DNAJC7: variants seen among roughly 807,000 people sequenced by gnomAD.
DNAJC7 encodes the protein DnaJ heat shock protein family (Hsp40) member C7, also known as dnaJ homolog subfamily C member 7.
A neutral mutation model predicts 67.4 loss-of-function variants in DNAJC7; 18 were observed. That is an observed-to-expected ratio of 0.27 (90% confidence interval 0.18 to 0.40). The LOEUF is 0.40. Ranked by LOEUF, DNAJC7 falls within the 10% of genes least tolerant of loss-of-function variation. DNAJC7 has a pLI of 1.00. For missense variants in DNAJC7, 419 were observed against 613.8 expected, an observed-to-expected ratio of 0.68 and a Z score of 3.35; for synonymous variants, 220 against 207.8, an observed-to-expected ratio of 1.06 and a Z score of -0.50.
chr17:41,989,925 AAC>A (rs1168667697), intron 6 of DNAJC7, among the ~76,000 whole-genome samples: 1 of 152,256 alleles, frequency 6.6e-6, no homozygotes, highest in African/African-American at 2.4e-5. Context: ...AGTTAGTTGC[AAC>A]AGAGACCCTG....
At chr17:41,997,085 C>T in intron 3 of DNAJC7, 30 bp downstream of exon 3, 1 of 1,613,546 alleles carries the variant, frequency 6.2e-7, no homozygotes, top group South Asian at 1.1e-5. Flanking sequence ...GCAACCCAGC[C>T]TTCCCCAAAC....
chr17:41,991,901 G>A (rs748193885), intron 5 of DNAJC7, among the ~76,000 whole-genome samples: 4 of 152,162 alleles, frequency 2.6e-5, no homozygotes, highest in African/African-American at 7.2e-5. Flanking sequence ...GGTTGGTCTC[G>A]AACTCCTCGC....
chr17:41,980,717 T>G (rs1555645854), intron 12 of DNAJC7, among the ~76,000 whole-genome samples: 1 of 152,174 alleles, frequency 6.6e-6, no homozygotes, highest in Non-Finnish European at 1.5e-5. Context: ...GGGCCTCTTA[T>G]CTCTGACAGC....
intron 12 of DNAJC7, among the ~76,000 whole-genome samples, chr17:41,981,199 A>C (rs149487589): frequency 1.6e-3 from 245 of 151,378 alleles, no homozygotes; most frequent in African/African-American, 4.9e-3. Flanking sequence ...CTTTCTTCTT[A>C]TTATTTTTTT....
chr17:41,978,736 CG>C (rs1462048951), intron 12 of DNAJC7, among the ~76,000 whole-genome samples: 2 of 152,028 alleles, frequency 1.3e-5, no homozygotes, highest in African/African-American at 2.4e-5. Context: ...TAAAATTAGC[CG>C]GGCGTGGTGG....
chr17:41,999,628 C>G (rs1182906455), intron 2 of DNAJC7, among the ~76,000 whole-genome samples: 1 of 152,146 alleles, frequency 6.6e-6, no homozygotes. Context: ...TCAAGCGATT[C>G]TCCTGCCTCA....
At chr17:42,003,877 G>A (rs2051872973) in intron 1 of DNAJC7, among the ~76,000 whole-genome samples, 1 of 150,422 alleles carries the variant, frequency 6.6e-6, no homozygotes, top group African/African-American at 2.4e-5. Context: ...CTGACCTGAT[G>A]GTACTATTAA....
chr17:41,997,991 TG>T (rs2051706393), intron 2 of DNAJC7, among the ~76,000 whole-genome samples: 1 of 152,162 alleles, frequency 6.6e-6, no homozygotes, highest in South Asian at 2.1e-4. Context: ...GCCTCCTAAG[TG>T]GCTGGGACCA....
rs2051940744 is a variant in DNAJC7 at position 42,005,957 on chromosome 17, A to AT, written c.78-5388dup. Among the ~76,000 whole-genome samples, 4 of 136,772 alleles carry AT rather than the reference A, an allele frequency of 2.9e-5. 1 individual carries two copies. The Admixed American group carries it at 3.0e-4, about 10-fold the overall frequency. The allele number at this position is 136,772 out of a possible 152,430, so 89.7% of individuals were successfully genotyped here. A position where few individuals can be genotyped will look rare whatever the true frequency, so the allele number is the denominator to read the frequency against. On this transcript the variant is annotated intron_variant, in intron 1 of 13. Coordinates refer to ENST00000457167, the MANE Select transcript of DNAJC7 (RefSeq NM_003315.4). ...TTTATTTATTTATTTAATTTTTTTT[A>AT]TTTTTTGAGACACAGTCTGACTGTC...
rs150558330 is a variant in DNAJC7, at chr17:42,002,155, G to A, written c.78-1585C>T. 2.3e-3 allele frequency among the ~76,000 whole-genome samples: 346 copies of A among 152,306 alleles called. 2 individuals are homozygous for A. The highest frequency in any genetic ancestry group is 4.0e-3 in the Non-Finnish European group (272 of 68,032). On this transcript the variant is annotated intron_variant, in intron 1 of 13. Transcript: ENST00000457167. ...GAGCCTATCCTTTAAGAGCAGACAT[G>A]CCAAGGGATTTGAACAAAGGACTTC...
chr17:42,008,473 C>T (rs1199822575), intron 1 of DNAJC7, among the ~76,000 whole-genome samples: 28 of 150,244 alleles, frequency 1.9e-4, no homozygotes, highest in Admixed American at 1.9e-3. Flanking sequence ...GCAGTGGCGC[C>T]ATCTCGGCTC....
At chr17:41,994,994 A>C (rs1759813836) in intron 4 of DNAJC7, 50 bp from the exon 5 acceptor site, 2 of 1,512,040 alleles carry the variant, frequency 1.3e-6, no homozygotes, top group Non-Finnish European at 1.8e-6. Flanking sequence ...CTGTAGATTA[A>C]ACAACCACAA....
chr17:41,983,696 TCA>T (rs2051305819), intron 9 of DNAJC7, 60 bp from the exon 10 acceptor site: 1 of 1,478,070 alleles, frequency 6.8e-7, no homozygotes, highest in Non-Finnish European at 9.3e-7. Flanking sequence ...GTTCTCAGGA[TCA>T]CTCTAGGGCA....
chr17:42,002,910 T>C (rs1410537945), intron 1 of DNAJC7, among the ~76,000 whole-genome samples: 1 of 152,218 alleles, frequency 6.6e-6, no homozygotes. Context: ...ATGACATTCC[T>C]AACAATTAGT....
intron 1 of DNAJC7, among the ~76,000 whole-genome samples, chr17:42,009,490 G>GA (rs2052061164): frequency 6.6e-6 from 1 of 152,180 alleles, no homozygotes; most frequent in Non-Finnish European, 1.5e-5. Context: ...AATCCCTACA[G>GA]AAATCCCATC....
intron 11 of DNAJC7, 90 bp downstream of exon 11, chr17:41,982,165 C>T (rs2051267052): frequency 7.7e-6 from 12 of 1,562,080 alleles, no homozygotes; most frequent in Non-Finnish European, 9.5e-6. Context: ...GCTGAAGGAC[C>T]TCTCCAAGGG....
intron 1 of DNAJC7, among the ~76,000 whole-genome samples, chr17:42,002,351 G>T (rs782249393): frequency 2.6e-5 from 4 of 152,156 alleles, no homozygotes; most frequent in Non-Finnish European, 4.4e-5. Context: ...TAGGTACCTG[G>T]GGAGACACTG....
In DNAJC7 at chr17:42,006,344, CTTTATTTA is replaced by C. The variant is rs530459131; in HGVS notation, c.78-5782_78-5775del. Among the ~76,000 whole-genome samples the C allele has an allele frequency of 7.2e-3, 1,084 of 151,254 alleles. 7 individuals carry two copies. The highest frequency in any genetic ancestry group is 0.025 in the African/African-American group (1,051 of 41,238). On this transcript the variant is annotated intron_variant, in intron 1 of 13. Transcript: ENST00000457167. ...AATTTTTTTTTTTTTGAGAAAAGAG[CTTTATTTA>C]TTTATTTATTTATTTAATTTTTGGG...
At chr17:42,013,461 C>T (rs1474952717) in intron 1 of DNAJC7, 1 of 152,202 alleles carries the variant, frequency 6.6e-6, no homozygotes, top group Admixed American at 6.5e-5. Context: ...ATGTCTTAAG[C>T]CAAGACGTAA....
Sources: gnomAD v4.1 joint callset for allele counts (sites outside exome capture counted in the v4.1 genomes callset) on GRCh38, gnomAD v4.1.1 for gene constraint, MANE v1.5 for transcripts, NCBI Gene and HGNC (gene_info 2026-07-23, HGNC 2026-07-21) for gene names.